RALGAPA2: variants seen among roughly 807,000 people sequenced by gnomAD.
RALGAPA2 encodes the protein Ral GTPase activating protein catalytic subunit alpha 2, also known as ral GTPase-activating protein subunit alpha-2.
In RALGAPA2, 139 loss-of-function variants were observed where a neutral mutation model predicts 230.4. That is an observed-to-expected ratio of 0.60 (90% confidence interval 0.53 to 0.69). RALGAPA2 has a LOEUF of 0.69. Among genes scored for constraint, RALGAPA2 ranks in the 30% least tolerant of loss-of-function variants. The pLI is 0.00. For synonymous variants in RALGAPA2, 847 were observed against 837.8 expected (o/e 1.01, Z -0.19); for missense variants, 2,163 against 2,276.0 (o/e 0.95, Z 1.01).
At chr20:20,457,188 G>C (rs944515925) in intron 37 of RALGAPA2, among the ~76,000 whole-genome samples, 2 of 152,202 alleles carry the variant, frequency 1.3e-5, no homozygotes, top group African/African-American at 2.4e-5. Flanking sequence ...TACTAAGAAA[G>C]AGAAGGAGAG....
intron 1 of RALGAPA2, among the ~76,000 whole-genome samples, chr20:20,681,670 T>C (rs1174415728): frequency 3.3e-5 from 5 of 152,142 alleles, no homozygotes; most frequent in African/African-American, 1.2e-4. Context: ...TTTGGGAGAA[T>C]ACACTAGCAT....
At chr20:20,510,586 C>A (rs1214730078) in intron 33 of RALGAPA2, among the ~76,000 whole-genome samples, 1 of 151,064 alleles carries the variant, frequency 6.6e-6, no homozygotes, top group Non-Finnish European at 1.5e-5. Flanking sequence ...TTATTCTCTT[C>A]GAAACTTTGG....
intron 37 of RALGAPA2, among the ~76,000 whole-genome samples, chr20:20,460,478 A>C (rs1050706292): frequency 6.6e-6 from 1 of 152,208 alleles, no homozygotes; most frequent in African/African-American, 2.4e-5. Context: ...ACTTGTAGTA[A>C]AATTGCTGCC....
At chr20:20,592,568 T>G (rs558869414) in intron 16 of RALGAPA2, among the ~76,000 whole-genome samples, 1 of 152,274 alleles carries the variant, frequency 6.6e-6, no homozygotes, top group South Asian at 2.1e-4. Context: ...AAACTTTACA[T>G]CCACATAACT....
Position 20,512,576 on chromosome 20 carries a change from C to G in RALGAPA2, c.4793G>C (p.Arg1598Pro). Reference protein sequence around the residue: ...SQGQPSPVEPRGPFYFCRLLL... With the variant: ...SQGQPSPVEPPGPFYFCRLLL... The stretch of plus-strand genomic sequence containing the variant: ...TAACCTGCAGAAATAAAAGGGTCCT[C>G]GGGGCTCCACTGGGGAGGGCTGCCC... The change falls in exon 32 of 40, where the codon CGA becomes CCA. Residue 1598 changes from arginine to proline, a missense_variant. Coordinates refer to ENST00000202677, the MANE Select transcript of RALGAPA2 (RefSeq NM_020343.4). 2 of 1,613,600 alleles carry G rather than the reference C, an allele frequency of 1.2e-6. No homozygotes were observed. Among genetic ancestry groups the G allele is most frequent in the Non-Finnish European group, 1.7e-6 (2 of 1,179,722 alleles).
chr20:20,527,701 G>A (rs970868688), intron 27 of RALGAPA2, among the ~76,000 whole-genome samples: 2 of 152,082 alleles, frequency 1.3e-5, no homozygotes, highest in African/African-American at 2.4e-5. Flanking sequence ...GGCTATCAGC[G>A]CTGACCTTTT....
chr20:20,462,695 T>G (rs1180684946), intron 37 of RALGAPA2, among the ~76,000 whole-genome samples: 2 of 152,206 alleles, frequency 1.3e-5, no homozygotes, highest in Non-Finnish European at 2.9e-5. Context: ...AAAAATTTAC[T>G]TGAGTGTGTT....
intron 12 of RALGAPA2, among the ~76,000 whole-genome samples, 186 bp downstream of exon 12, chr20:20,619,091 G>A (rs2066244013): frequency 6.6e-6 from 1 of 152,088 alleles, no homozygotes; most frequent in African/African-American, 2.4e-5. Context: ...TAAATTGTGG[G>A]TAGGAATTAG....
chr20:20,496,106 C>T (rs147220280), intron 35 of RALGAPA2, among the ~76,000 whole-genome samples: 4 of 151,128 alleles, frequency 2.6e-5, no homozygotes, highest in African/African-American at 9.9e-5. Context: ...TAAGCCTGCA[C>T]CCAAAGTTAC....
intron 20 of RALGAPA2, 25 bp from the exon 21 acceptor site, chr20:20,573,093 AC>A: frequency 6.5e-7 from 1 of 1,539,994 alleles, no homozygotes; most frequent in Non-Finnish European, 8.8e-7. Context: ...ATGTCTGTTA[AC>A]CCTGTAAACA....
chr20:20,588,496 T>C (rs979890766), intron 18 of RALGAPA2, among the ~76,000 whole-genome samples: 1 of 152,118 alleles, frequency 6.6e-6, no homozygotes, highest in Admixed American at 6.5e-5. Context: ...GGCCCCTCTC[T>C]GAGGGGAGAT....
intron 35 of RALGAPA2, among the ~76,000 whole-genome samples, chr20:20,500,490 C>T (rs763153717): frequency 9.9e-5 from 15 of 152,228 alleles, no homozygotes; most frequent in Non-Finnish European, 2.1e-4. Flanking sequence ...ACTTTTCATC[C>T]AGTCAAATTT....
At chr20:20,640,985 T>C in intron 5 of RALGAPA2, 107 bp from the exon 6 acceptor site, 1 of 1,017,736 alleles carries the variant, frequency 9.8e-7, no homozygotes, top group Non-Finnish European at 1.4e-6. Flanking sequence ...AAAGGTGTGT[T>C]AAGTAGTAAA....
At chr20:20,478,042 T>A (rs1410665157) in intron 36 of RALGAPA2, among the ~76,000 whole-genome samples, 1 of 152,230 alleles carries the variant, frequency 6.6e-6, no homozygotes, top group Non-Finnish European at 1.5e-5. Flanking sequence ...AATAAATTTC[T>A]AGGGGTGGAA....
chr20:20,443,034 A>T (rs1257007283), intron 37 of RALGAPA2, among the ~76,000 whole-genome samples: 1 of 152,278 alleles, frequency 6.6e-6, no homozygotes, highest in East Asian at 1.9e-4. Flanking sequence ...AACCACTGAT[A>T]CAAGGGCAGA....
intron 37 of RALGAPA2, among the ~76,000 whole-genome samples, chr20:20,458,543 A>G (rs1295081420): frequency 1.5e-5 from 2 of 137,636 alleles, no homozygotes; most frequent in East Asian, 4.1e-4. Context: ...TATATAATAT[A>G]TATGTATTTT....
At position 20,655,521 on chromosome 20, in the gene RALGAPA2, G is replaced by A. The variant is rs549951027; in HGVS notation, c.271-1934C>T. Among the ~76,000 whole-genome samples the A allele has an allele frequency of 7.1e-4, 108 of 151,818 alleles. 1 individual carries two copies. The Middle Eastern group carries it at 0.027, about 39-fold the overall frequency. On this transcript the variant is annotated intron_variant, in intron 3 of 39. Coordinates refer to ENST00000202677, the MANE Select transcript of RALGAPA2 (RefSeq NM_020343.4). Reference sequence around the variant, plus strand: ...GGAATGCCATGGGAGAATGTTAGAAGGCCAACACAGCTTGGTGCCTTACAG... The same window carrying A: ...GGAATGCCATGGGAGAATGTTAGAAAGCCAACACAGCTTGGTGCCTTACAG...
intron 36 of RALGAPA2, 58 bp downstream of exon 36, chr20:20,495,059 C>T (rs761702391): frequency 7.3e-5 from 103 of 1,409,126 alleles, no homozygotes; most frequent in Admixed American, 9.8e-5. Flanking sequence ...TTTTCAATGA[C>T]AATGAATCAC....
At chr20:20,434,328 C>T (rs1346302209) in intron 37 of RALGAPA2, among the ~76,000 whole-genome samples, 3 of 151,970 alleles carry the variant, frequency 2.0e-5, no homozygotes, top group Non-Finnish European at 4.4e-5. Flanking sequence ...CAGTCAGCAA[C>T]GAGGCCTTGG....
Sources: allele counts gnomAD v4.1 joint callset (sites outside exome capture counted in the v4.1 genomes callset), GRCh38; gene constraint gnomAD v4.1.1; transcripts MANE v1.5; gene names NCBI Gene and HGNC (gene_info 2026-07-23, HGNC 2026-07-21).